Variants in COL4A3 observed in about 807,000 individuals in gnomAD.
COL4A3 encodes collagen alpha-3(IV) chain.
Under a neutral mutation model 217.4 loss-of-function variants are expected in COL4A3, and 135 were observed. The ratio of observed to expected loss-of-function variants is 0.62; its 90% CI spans 0.54 to 0.72. COL4A3 has a LOEUF of 0.72. COL4A3 is among the 30% of genes least tolerant of loss of function. The probability of loss-of-function intolerance (pLI) is 0.00; values close to 1 mark genes in which losing one functional copy is unlikely to be tolerated. For missense variants in COL4A3, 1,868 were observed against 2,119.9 expected, an observed-to-expected ratio of 0.88 and a Z score of 2.33; for synonymous variants, 690 against 736.3, an observed-to-expected ratio of 0.94 and a Z score of 1.02.
chr2:227,246,397 C>T, intron 6 of COL4A3: 1 of 518,588 alleles, frequency 1.9e-6, no homozygotes, highest in African/African-American at 1.9e-5. Context: ...AGAATGGTGG[C>T]CATGAATGAA....
chr2:227,265,279 G>A (rs2125977694), intron 21 of COL4A3: 1 of 152,308 alleles, frequency 6.6e-6, no homozygotes, highest in Middle Eastern at 3.4e-3. Context: ...ATTTAAAGAT[G>A]ACCTTCCAGG....
At position 227,166,912 on chromosome 2, in the gene COL4A3, T is replaced by C. The variant is rs756328337; in HGVS notation, c.87+2099T>C. ...AGTTTTCTCATGTGTAAAATGAGAG[T>C]TGAAACCCCAGTGGGGCCAGCAGGT... On this transcript the variant is annotated intron_variant, in intron 1 of 51. Coordinates refer to ENST00000396578, the MANE Select transcript of COL4A3 (RefSeq NM_000091.5). Among the ~76,000 whole-genome samples the C allele has an allele frequency of 2.0e-5, 3 of 152,028 alleles. No individual in the cohort carries two copies. In the East Asian group the frequency reaches 5.8e-4, roughly 29 times the overall value.
intron 21 of COL4A3, among the ~76,000 whole-genome samples, chr2:227,264,150 G>C (rs987491195): frequency 1.3e-5 from 2 of 152,324 alleles, no homozygotes; most frequent in African/African-American, 4.8e-5. Flanking sequence ...GTCTTAGCCC[G>C]AGTTTCCCAG....
chr2:227,260,066 A>C (rs1195281811), intron 19 of COL4A3, 189 bp downstream of exon 19: 1 of 747,870 alleles, frequency 1.3e-6, no homozygotes, highest in Non-Finnish European at 2.5e-6. Flanking sequence ...GTTGTATACC[A>C]GGAAGGTAAT....
chr2:227,164,787 C>G lies in COL4A3; in HGVS notation c.61C>G (p.Leu21Val). Residue 21 changes from leucine (L) to valine (V), a missense_variant, in exon 1 of 52, where the codon CTG becomes GTG. Leu to Val is a conservative substitution (Grantham distance 32, BLOSUM62 1). Around this residue, in one of 2 missense-constraint regions of COL4A3, gnomAD observed 365 missense variants for 333.8 expected, o/e 1.09. Coordinates refer to ENST00000396578, the MANE Select transcript of COL4A3 (RefSeq NM_000091.5). This position sits in a 1 kb window ranked among gnomAD's most constrained non-coding sequence, Gnocchi z 4.8. ...VLLLPLLLVL[L>V]AAAPAASKGC... Reference sequence around the variant, plus strand: ...CCTGCTGCCGCTCCTGCTGGTGCTCCTGGCGGCGGCGCCCGCAGCCAGCAA... The same window carrying G: ...CCTGCTGCCGCTCCTGCTGGTGCTCGTGGCGGCGGCGCCCGCAGCCAGCAA... The G allele has an allele frequency of 6.6e-7, 1 of 1,520,334 alleles. No homozygotes were observed. The highest frequency in any genetic ancestry group is 8.8e-7 in the Non-Finnish European group (1 of 1,141,046). The allele number at this position is 1,520,334 out of a possible 1,614,324, so 94.2% of individuals were successfully genotyped here.
rs183966606 is a variant in COL4A3, at chr2:227,296,468, T to C, written c.3565+1152T>C. The C allele has an allele frequency of 4.1e-5, 40 of 976,744 alleles. No homozygotes were observed. The Admixed American group carries it at 1.7e-3, about 40-fold the overall frequency. The allele number at this position is 976,744 out of a possible 1,614,324, so 60.5% of individuals were successfully genotyped here. A position where few individuals can be genotyped will look rare whatever the true frequency, so the allele number is the denominator to read the frequency against. On this transcript the variant is annotated intron_variant, in intron 41 of 51. Transcript: ENST00000396578. ...GCCTAATTATGTAAGTGAATGATTA[T>C]GCACCTCAATCCCTCTAGGATAACT...
chr2:227,300,503 C>T (rs563423674), intron 43 of COL4A3, among the ~76,000 whole-genome samples: 8 of 152,180 alleles, frequency 5.3e-5, no homozygotes, highest in African/African-American at 1.7e-4. Context: ...ACACCACAGC[C>T]GTCGTCCCTA....
intron 29 of COL4A3, 86 bp downstream of exon 29, chr2:227,279,976 C>A: frequency 1.2e-6 from 1 of 806,718 alleles, no homozygotes; most frequent in South Asian, 1.6e-5. Flanking sequence ...GCAGAGCACT[C>A]TAGATGTAGA....
chr2:227,297,768 A>G lies in COL4A3; in HGVS notation c.3660A>G (p.Ile1220Met), dbSNP rs776091606. ...CTGGACCTCGAGGACCCACAGGCAT[A>G]GAAGGATTCCCAGGGCCACCAGGTC... Reference protein sequence around the residue: ...GDAGPRGPTGIEGFPGPPGLP... With the variant: ...GDAGPRGPTGMEGFPGPPGLP... The change falls in exon 42 of 52, where the codon ATA becomes ATG. Residue 1220 changes from isoleucine (I) to methionine (M), a missense_variant. Ile to Met is a conservative substitution (Grantham distance 10). Around this residue, in one of 2 missense-constraint regions of COL4A3, gnomAD observed 1,503 missense variants for 1,786.1 expected, o/e 0.84. Coordinates refer to ENST00000396578, the MANE Select transcript of COL4A3 (RefSeq NM_000091.5). 4 of 1,595,660 alleles carry G rather than the reference A, an allele frequency of 2.5e-6. No individual in the cohort carries two copies. Among genetic ancestry groups the G allele is most frequent in the East Asian group, 2.3e-5 (1 of 44,414 alleles).
chr2:227,192,398 T>C (rs2066276745), intron 1 of COL4A3, among the ~76,000 whole-genome samples: 1 of 152,268 alleles, frequency 6.6e-6, no homozygotes, highest in African/African-American at 2.4e-5. Context: ...GACTTGCTCA[T>C]TTCATTTTCC....
At chr2:227,181,828 A>G (rs907721476) in intron 1 of COL4A3, among the ~76,000 whole-genome samples, 1 of 152,330 alleles carries the variant, frequency 6.6e-6, no homozygotes, top group Middle Eastern at 3.4e-3. Context: ...AATGACGGAC[A>G]TATAGTAGAA....
intron 51 of COL4A3, among the ~76,000 whole-genome samples, chr2:227,311,319 T>C (rs2073730761): frequency 6.6e-6 from 1 of 152,044 alleles, no homozygotes; most frequent in Non-Finnish European, 1.5e-5. Flanking sequence ...CATATATACC[T>C]TTTCAGAAAT....
At chr2:227,234,062 G>T (rs903573292) in intron 1 of COL4A3, among the ~76,000 whole-genome samples, 6 of 152,246 alleles carry the variant, frequency 3.9e-5, no homozygotes, top group Non-Finnish European at 7.4e-5. Context: ...TTAGTTTTGG[G>T]GATAAGGGTT....
At chr2:227,257,426 C>T (rs531051783) in intron 17 of COL4A3, among the ~76,000 whole-genome samples, 177 bp from the exon 18 acceptor site, 4 of 152,218 alleles carry the variant, frequency 2.6e-5, no homozygotes, top group African/African-American at 2.4e-5. Flanking sequence ...GGATTCCTTA[C>T]CCAGATACGC....
intron 1 of COL4A3, among the ~76,000 whole-genome samples, chr2:227,188,342 G>A (rs974595309): frequency 5.3e-5 from 8 of 151,856 alleles, no homozygotes; most frequent in Non-Finnish European, 7.4e-5. Flanking sequence ...AGTCTGATCC[G>A]TTTATAAGCA....
intron 1 of COL4A3, among the ~76,000 whole-genome samples, chr2:227,206,477 A>G (rs1033182751): frequency 3.9e-5 from 6 of 152,142 alleles, no homozygotes; most frequent in Admixed American, 3.3e-4. Flanking sequence ...CTCAGGTGGG[A>G]ACTGAGGAGA....
rs962192995 is a variant in COL4A3 at position 227,304,879 on chromosome 2, G to A, written c.4154-106G>A. ...GACTGAGGATCTTCCCAGGATGCAG[G>A]ACTTTCATTCCTGAAACTGAGAAAG... is the stretch of plus-strand genomic sequence containing the variant. On this transcript the variant is annotated intron_variant, in intron 46 of 51. Transcript: ENST00000396578. The A allele has an allele frequency of 2.2e-5, 20 of 912,292 alleles. No homozygotes were observed. In the African/African-American group the frequency reaches 3.1e-4, roughly 14 times the overall value. 56.5% of individuals were successfully genotyped at this position (912,292 alleles called of 1,614,324 possible). A position where few individuals can be genotyped will look rare whatever the true frequency, so the allele number is the denominator to read the frequency against.
chr2:227,176,855 T>C (rs753674058), intron 1 of COL4A3, among the ~76,000 whole-genome samples: 31 of 152,240 alleles, frequency 2.0e-4, no homozygotes, highest in Non-Finnish European at 3.4e-4. Context: ...ATTTTCTTTG[T>C]TGAACCAGAA....
intron 1 of COL4A3, among the ~76,000 whole-genome samples, chr2:227,214,676 T>G (rs183684635): frequency 6.6e-6 from 1 of 152,358 alleles, no homozygotes; most frequent in Non-Finnish European, 1.5e-5. Context: ...ACCTGTCCAT[T>G]GTGAATTATA....
Sources: allele counts gnomAD v4.1 joint callset (sites outside exome capture counted in the v4.1 genomes callset), GRCh38; gene constraint gnomAD v4.1.1; regional missense constraint gnomAD v4.1.1; non-coding constraint Gnocchi (gnomAD v3.1); transcripts MANE v1.5; gene names NCBI Gene and HGNC (gene_info 2026-07-23, HGNC 2026-07-21).